CLIP3: variants seen among roughly 807,000 people sequenced by gnomAD.
CLIP3 encodes CAP-Gly domain-containing linker protein 3.
Under a neutral mutation model 59.4 loss-of-function variants are expected in CLIP3, and 15 were observed. The ratio of observed to expected loss-of-function variants is 0.25; its 90% CI spans 0.17 to 0.39. CLIP3 has a LOEUF of 0.39. Ranked by LOEUF, CLIP3 falls within the 10% of genes least tolerant of loss-of-function variation. The pLI is 1.00. For missense variants in CLIP3, 495 were observed against 765.7 expected (o/e 0.65, Z 4.17); for synonymous variants, 300 against 321.6 (o/e 0.93, Z 0.72).
At position 36,017,934 on chromosome 19, in the gene CLIP3, G is replaced by T. The variant is rs756398064; in HGVS notation, c.1241C>A (p.Ala414Asp). The part of the protein sequence containing the change: ...SLGSLQQRDG[A>D]KAEVGDQVLV... ...GACCTGGTCTCCAACCTCAGCCTTG[G>T]CCCCGTCACGCTGCTGCAAGCTGCC... is the stretch of plus-strand genomic sequence containing the variant. The change falls in exon 10 of 14, where the codon GCC becomes GAC. Residue 414 changes from alanine to aspartate, a missense_variant. Ala to Asp is a moderately radical substitution (Grantham distance 126, BLOSUM62 -2). Transcript: ENST00000360535. 1 of 1,614,116 alleles carries T rather than the reference G, an allele frequency of 6.2e-7. No homozygotes were observed. The highest frequency in any genetic ancestry group is 2.2e-5 in the East Asian group (1 of 44,888).
chr19:36,021,938 G>T lies in CLIP3; in HGVS notation c.918+2458C>A, dbSNP rs1307806669. ...CTTTGGCCCAGGCTGGAGTGCAGTG[G>T]CATGATCTTGGCTCACTGCAAGCTC... On this transcript the variant is annotated intron_variant, in intron 7 of 13. Transcript: ENST00000360535. Among the ~76,000 whole-genome samples the T allele has an allele frequency of 3.3e-5, 5 of 152,048 alleles. No homozygotes were observed. The East Asian group carries it at 5.8e-4, about 18-fold the overall frequency.
In CLIP3 at chr19:36,015,967, T is replaced by C; in HGVS notation, c.*191A>G. 3.2e-6 allele frequency: 2 copies of C among 634,436 alleles called. No individual in the cohort carries two copies. The highest frequency in any genetic ancestry group is 5.7e-6 in the Non-Finnish European group (2 of 350,620). The allele number at this position is 634,436 out of a possible 1,614,324, so 39.3% of individuals were successfully genotyped here. A position where few individuals can be genotyped will look rare whatever the true frequency, so the allele number is the denominator to read the frequency against. On this transcript the variant is annotated 3_prime_UTR_variant, in exon 14 of 14. Coordinates refer to ENST00000360535, the MANE Select transcript of CLIP3 (RefSeq NM_015526.3). The stretch of plus-strand genomic sequence containing the variant: ...TCAGGGAATCTCTTTCTGGGTGACA[T>C]GGGGTCTGTATTTGGGGGTTATTAT...
At chr19:36,017,506 T>G in intron 11 of CLIP3, 56 bp from the exon 12 acceptor site, 1 of 1,607,708 alleles carries the variant, frequency 6.2e-7, no homozygotes, top group Non-Finnish European at 8.5e-7. Context: ...AGGGTCTGAC[T>G]GAGAGCTGGG....
intron 2 of CLIP3, among the ~76,000 whole-genome samples, chr19:36,031,041 T>A (rs1969254159): frequency 1.5e-5 from 2 of 133,698 alleles, no homozygotes; most frequent in South Asian, 2.5e-4. Context: ...TTTTTTTTTT[T>A]GAGACAGTCT....
chr19:36,017,013 T>A, intron 12 of CLIP3, 34 bp from the exon 13 acceptor site: 1 of 1,609,662 alleles, frequency 6.2e-7, no homozygotes, highest in Non-Finnish European at 8.5e-7. Context: ...AGTGAGGGGA[T>A]GACAGACCAC....
At chr19:36,029,683 G>T (rs1269701445) in intron 2 of CLIP3, among the ~76,000 whole-genome samples, 1 of 151,622 alleles carries the variant, frequency 6.6e-6, no homozygotes, top group African/African-American at 2.4e-5. Context: ...TCCCTCACTA[G>T]GATCTAAATG....
chr19:36,032,173 GGGT>G lies in CLIP3; in HGVS notation c.166+16_166+18del. ...ACCCAACGCTCCAGGCCAGATTCCA[GGGT>G]GGGGACAGTGGTTACCGTAGTCCTT... On this transcript the variant is annotated intron_variant, in intron 2 of 13. Transcript: ENST00000360535. This position sits in a 1 kb window ranked among gnomAD's most constrained non-coding sequence, Gnocchi z 4.3. 1.6e-6 allele frequency: 2 copies of G among 1,242,660 alleles called. No individual in the cohort carries two copies. The highest frequency in any genetic ancestry group is 2.0e-6 in the Non-Finnish European group (2 of 977,924). 77.0% of individuals were successfully genotyped at this position (1,242,660 alleles called of 1,614,324 possible).
rs1229917434 is a variant in CLIP3, at chr19:36,032,228, G to A, written c.130C>T (p.His44Tyr). The change falls in exon 2 of 14, where the codon CAC (histidine) becomes TAC (tyrosine). Residue 44 changes from histidine (H) to tyrosine (Y), a missense_variant. By Grantham distance (83) the His-to-Tyr change is moderately conservative. Transcript: ENST00000360535. This position sits in a 1 kb window ranked among gnomAD's most constrained non-coding sequence, Gnocchi z 4.3. ...TQERRQKPVV[H>Y]PSAPAPLPKD... ...GGGAGGGGGGCAGGTGCCGAGGGGT[G>A]CACAACAGGCTTCTGCCGGCGCTCC... 3 of 1,307,910 alleles carry A rather than the reference G, an allele frequency of 2.3e-6. No homozygotes were observed. Among genetic ancestry groups the A allele is most frequent in the Non-Finnish European group, 2.9e-6 (3 of 1,019,092 alleles). The allele number at this position is 1,307,910 out of a possible 1,614,324, so 81.0% of individuals were successfully genotyped here.
rs760088907 is a variant in CLIP3, at chr19:36,027,122, G to A, written c.306+10C>T. 3.1e-6 allele frequency: 5 copies of A among 1,597,868 alleles called. No homozygotes were observed. Among genetic ancestry groups the A allele is most frequent in the Non-Finnish European group, 4.3e-6 (5 of 1,172,854 alleles). On this transcript the variant is annotated intron_variant, in intron 3 of 13. Transcript: ENST00000360535. Reference sequence around the variant, plus strand: ...ATCCCCTCTCCCCCTGGTTTCCCCAGTGTTCTCACCTCATTGCCGATGACG... The same window carrying A: ...ATCCCCTCTCCCCCTGGTTTCCCCAATGTTCTCACCTCATTGCCGATGACG...
At position 36,016,832 on chromosome 19, in the gene CLIP3, C is replaced by T. The variant is rs1298071234; in HGVS notation, c.1589+75G>A. 4 of 1,492,596 alleles carry T rather than the reference C, an allele frequency of 2.7e-6. No homozygotes were observed. In the African/African-American group the frequency reaches 5.5e-5, roughly 21 times the overall value. 92.5% of individuals were successfully genotyped at this position (1,492,596 alleles called of 1,614,324 possible). On this transcript the variant is annotated intron_variant, in intron 13 of 13. Transcript: ENST00000360535. This position sits in a 1 kb window ranked among gnomAD's most constrained non-coding sequence, Gnocchi z 4.1. ...TCCAGCCCTGACCAGAGCTCCAGACCTCTGGGTCCAACTGCCTTATGGATC... is the reference window on the plus strand; with the variant it reads ...TCCAGCCCTGACCAGAGCTCCAGACTTCTGGGTCCAACTGCCTTATGGATC...
At chr19:36,024,335 G>T in intron 7 of CLIP3, 61 bp downstream of exon 7, 1 of 1,453,520 alleles carries the variant, frequency 6.9e-7, no homozygotes, top group South Asian at 1.2e-5. Context: ...GCAGCTCCAA[G>T]GGATTAAGGG....
chr19:36,032,146 C>A lies in CLIP3; in HGVS notation c.166+46G>T. On this transcript the variant is annotated intron_variant, in intron 2 of 13. Transcript: ENST00000360535. This position sits in a 1 kb window ranked among gnomAD's most constrained non-coding sequence, Gnocchi z 4.3. The stretch of plus-strand genomic sequence containing the variant: ...GCAGAGCACAGCCCACCCTCCCCGG[C>A]CACCCAACGCTCCAGGCCAGATTCC... The A allele has an allele frequency of 8.9e-7, 1 of 1,117,450 alleles. No homozygotes were observed. The highest frequency in any genetic ancestry group is 1.2e-6 in the Non-Finnish European group (1 of 868,236). The allele number at this position is 1,117,450 out of a possible 1,614,324, so 69.2% of individuals were successfully genotyped here. A position where few individuals can be genotyped will look rare whatever the true frequency, so the allele number is the denominator to read the frequency against.
chr19:36,018,395 A>G (rs1291166336), intron 9 of CLIP3, among the ~76,000 whole-genome samples: 1 of 152,154 alleles, frequency 6.6e-6, no homozygotes, highest in Non-Finnish European at 1.5e-5. Context: ...CCTGGCCAAC[A>G]TGGCAAAACC....
At position 36,026,216 on chromosome 19, in the gene CLIP3, G is replaced by A. The variant is rs1444035222; in HGVS notation, c.612C>T (p.Ile204=). ...CGCCCAGGCACAGGCTGGAAGCAGC[G>A]ATGTGCAGGGCTGAGCCGTGGTTGA... ...SDFNHGSALH[I]AASSLCLGAA... The change falls in exon 6 of 14, where the codon ATC becomes ATT. Residue 204 remains isoleucine, a synonymous_variant. Transcript: ENST00000360535. This position sits in a 1 kb window ranked among gnomAD's most constrained non-coding sequence, Gnocchi z 6.3. 2 of 1,613,702 alleles carry A rather than the reference G, an allele frequency of 1.2e-6. No homozygotes were observed. The highest frequency in any genetic ancestry group is 3.3e-5 in the Admixed American group (2 of 59,992).
At position 36,027,180 on chromosome 19, in the gene CLIP3, G is replaced by A. The variant is rs1969136563; in HGVS notation, c.258C>T (p.Arg86=). ...TGTGCTGGACTTGGGGCACCCACTG[G>A]CGCACAATGGCAAACAGCTCGGGGA... ...TTIPELFAIV[R]QWVPQVQHKI... is the part of the protein sequence containing the mutation. The change falls in exon 3 of 14, where the codon CGC becomes CGT. Residue 86 remains arginine, a synonymous_variant. Transcript: ENST00000360535. The A allele has an allele frequency of 6.2e-7, 1 of 1,613,824 alleles. No individual in the cohort carries two copies. The highest frequency in any genetic ancestry group is 1.1e-5 in the South Asian group (1 of 91,054).
intron 7 of CLIP3, among the ~76,000 whole-genome samples, chr19:36,020,769 G>A (rs1968931847): frequency 6.6e-6 from 1 of 152,200 alleles, no homozygotes; most frequent in Admixed American, 6.5e-5. Context: ...AGAAAGCTCT[G>A]TTGGACAGGG....
chr19:36,031,025 T>TTTTTTTTTTTTTTTTTTTTTTTTC (rs1969251895), intron 2 of CLIP3, among the ~76,000 whole-genome samples: 1 of 82,658 alleles, frequency 1.2e-5, no homozygotes, highest in Non-Finnish European at 2.2e-5. Context: ...TTTTTTTTCT[T>TTTTTTTTTTTTTTTTTTTTTTTTC]TTTTTTTTTT....
chr19:36,019,484 G>A (rs1049719948), intron 7 of CLIP3, 178 bp from the exon 8 acceptor site: 2 of 736,686 alleles, frequency 2.7e-6, no homozygotes, highest in Admixed American at 4.2e-5. Context: ...TTCCTTTGCT[G>A]TGAAATGGGA....
In CLIP3 at chr19:36,017,872, A is replaced by G. The variant is rs771775791; in HGVS notation, c.1303T>C (p.Tyr435His). 8.1e-6 allele frequency: 13 copies of G among 1,614,084 alleles called. No individual in the cohort carries two copies. Among genetic ancestry groups the G allele is most frequent in the Non-Finnish European group, 3.4e-6 (4 of 1,179,940 alleles). Reference sequence around the variant, plus strand: ...CCTGGGGCAAAGTCTGTCTTCCCGTAGAAGCGCACGATCCCCTGCTTCTGG... The same window carrying G: ...CCTGGGGCAAAGTCTGTCTTCCCGTGGAAGCGCACGATCCCCTGCTTCTGG... ...AGQKQGIVRF[Y>H]GKTDFAPGYW... is the part of the protein sequence containing the mutation. The change falls in exon 10 of 14, where the codon TAC becomes CAC. Residue 435 changes from tyrosine (Y) to histidine (H), a missense_variant. Tyr to His is a moderately conservative substitution (Grantham distance 83, BLOSUM62 2). This residue lies in a region of CLIP3 where 179 missense variants were observed against 226.2 expected (regional missense o/e 0.79). Transcript: ENST00000360535.
Sources: allele counts gnomAD v4.1 joint callset (sites outside exome capture counted in the v4.1 genomes callset), GRCh38; gene constraint gnomAD v4.1.1; regional missense constraint gnomAD v4.1.1; non-coding constraint Gnocchi (gnomAD v3.1); transcripts MANE v1.5; gene names NCBI Gene and HGNC (gene_info 2026-07-23, HGNC 2026-07-21).